Variants in SRGAP1 observed in about 807,000 individuals in gnomAD.
The protein encoded by SRGAP1 is SLIT-ROBO Rho GTPase-activating protein 1.
In SRGAP1, 43 loss-of-function variants were observed where a neutral mutation model predicts 121.9. The observed-to-expected ratio is 0.35, with a 90% CI of 0.28 to 0.46. The LOEUF is 0.46. Ranked by LOEUF, SRGAP1 falls within the 20% of genes least tolerant of loss-of-function variation. The pLI is 1.00. For missense variants in SRGAP1, 1,102 were observed against 1,350.9 expected (o/e 0.82, Z 2.89); for synonymous variants, 447 against 485.4 (o/e 0.92, Z 1.04).
At chr12:64,121,535 G>A (rs994498971) in intron 18 of SRGAP1, among the ~76,000 whole-genome samples, 16 of 152,140 alleles carry the variant, frequency 1.1e-4, no homozygotes, top group East Asian at 1.9e-4. Flanking sequence ...GATTGCAGGC[G>A]TGAGCCACCA....
rs2033405487 is a variant in SRGAP1 at position 63,986,100 on chromosome 12, C to CT, written c.263+1962dup. On this transcript the variant is annotated intron_variant, in intron 2 of 21. Transcript: ENST00000355086. Reference sequence around the variant, plus strand: ...CTCTTCTCTCCTCTCTGTCTCTTCTCTTTTCTCTCTTCTCTTTTTTCTTCC... The same window carrying CT: ...CTCTTCTCTCCTCTCTGTCTCTTCTCTTTTTCTCTCTTCTCTTTTTTCTTCC... 2.6e-5 allele frequency among the ~76,000 whole-genome samples: 4 copies of CT among 152,066 alleles called. No individual in the cohort carries two copies. The South Asian group carries it at 8.3e-4, about 32-fold the overall frequency.
At chr12:63,855,034 A>AC (rs1429684170) in intron 1 of SRGAP1, among the ~76,000 whole-genome samples, 1 of 151,036 alleles carries the variant, frequency 6.6e-6, no homozygotes, top group African/African-American at 2.4e-5. Flanking sequence ...AATAAAGAGA[A>AC]CCCCCCAAAC....
At chr12:63,867,519 CCAA>C (rs1454190717) in intron 1 of SRGAP1, among the ~76,000 whole-genome samples, 2 of 152,034 alleles carry the variant, frequency 1.3e-5, no homozygotes, top group Non-Finnish European at 2.9e-5. Context: ...TTGGATAAAG[CCAA>C]TTCAAATTAT....
At chr12:64,092,205 C>T (rs1393342694) in intron 12 of SRGAP1, among the ~76,000 whole-genome samples, 1 of 151,938 alleles carries the variant, frequency 6.6e-6, no homozygotes, top group Non-Finnish European at 1.5e-5. Context: ...TGTTAAATAC[C>T]AAATACACAT....
intron 4 of SRGAP1, chr12:64,038,861 A>G (rs186691952): frequency 6.6e-6 from 1 of 152,342 alleles, no homozygotes; most frequent in Admixed American, 6.5e-5. Flanking sequence ...GTACATTTAC[A>G]TGGCTATATG....
At chr12:63,987,592 G>A (rs2033451257) in intron 2 of SRGAP1, among the ~76,000 whole-genome samples, 1 of 151,964 alleles carries the variant, frequency 6.6e-6, no homozygotes, top group Non-Finnish European at 1.5e-5. Flanking sequence ...CATGGTGGCA[G>A]GCACCTGTAA....
intron 3 of SRGAP1, among the ~76,000 whole-genome samples, chr12:64,002,225 A>C (rs763786519): frequency 3.9e-5 from 6 of 152,202 alleles, no homozygotes; most frequent in Non-Finnish European, 7.3e-5. Context: ...CTACTTCCTC[A>C]TGCCCCAGTC....
At chr12:64,118,369 C>T (rs1050968882) in intron 18 of SRGAP1, among the ~76,000 whole-genome samples, 1 of 151,642 alleles carries the variant, frequency 6.6e-6, no homozygotes, top group African/African-American at 2.4e-5. Flanking sequence ...TCCCCGGCTC[C>T]AGTGATCCTC....
intron 1 of SRGAP1, among the ~76,000 whole-genome samples, chr12:63,866,567 C>G (rs545223190): frequency 1.3e-5 from 2 of 152,218 alleles, no homozygotes; most frequent in Admixed American, 6.5e-5. Context: ...CAATATCAGA[C>G]AGCAAATTTC....
intron 1 of SRGAP1, among the ~76,000 whole-genome samples, chr12:63,946,216 T>C (rs951268641): frequency 3.9e-5 from 6 of 152,146 alleles, no homozygotes; most frequent in African/African-American, 1.4e-4. Context: ...GTATTCTCCT[T>C]TATGTTACCA....
chr12:64,141,071 A>G (rs1229793817), intron 21 of SRGAP1, among the ~76,000 whole-genome samples: 5 of 138,424 alleles, frequency 3.6e-5, no homozygotes, highest in African/African-American at 5.7e-5. Context: ...GAATTGAACA[A>G]TGAGATCACA....
chr12:64,127,571 ATTCCTCTTACTGC>A lies in SRGAP1; in HGVS notation c.2406-15_2406-3del. 1 of 1,587,714 alleles carries A rather than the reference ATTCCTCTTACTGC, an allele frequency of 6.3e-7. No homozygotes were observed. Among genetic ancestry groups the A allele is most frequent in the East Asian group, 2.2e-5 (1 of 44,492 alleles). On this transcript the variant is annotated splice_region_variant and splice_polypyrimidine_tract_variant and intron_variant, in intron 19 of 21. Transcript: ENST00000355086. ...TGTAAATCTAGTAAATTTTGTCTCCATTCCTCTTACTGCTTCAGGGATGATACGTTTTCAGACA... is the reference window on the plus strand; with the variant it reads ...TGTAAATCTAGTAAATTTTGTCTCCATTCAGGGATGATACGTTTTCAGACA...
intron 21 of SRGAP1, among the ~76,000 whole-genome samples, chr12:64,129,098 TA>T (rs57166195): frequency 0.066 from 9,912 of 149,112 alleles, 1,075 homozygotes; most frequent in African/African-American, 0.23. Flanking sequence ...ATCCCGTGTC[TA>T]AAAAAAAAAA....
At chr12:64,034,914 C>G (rs2034864172) in intron 4 of SRGAP1, among the ~76,000 whole-genome samples, 1 of 152,074 alleles carries the variant, frequency 6.6e-6, no homozygotes, top group Admixed American at 6.6e-5. Context: ...TTTGCTTTCA[C>G]TGATTTATGA....
chr12:64,026,188 G>A (rs2034649495), intron 4 of SRGAP1, among the ~76,000 whole-genome samples: 1 of 152,080 alleles, frequency 6.6e-6, no homozygotes, highest in South Asian at 2.1e-4. Flanking sequence ...TCTAAAGAAT[G>A]TTTTATATCC....
chr12:64,121,987 T>G (rs1314542387), intron 18 of SRGAP1, among the ~76,000 whole-genome samples: 1 of 152,110 alleles, frequency 6.6e-6, no homozygotes, highest in East Asian at 1.9e-4. Context: ...CTAGAGAGAG[T>G]AGCTTTTGTT....
Position 64,153,804 on chromosome 12 carries a change from G to A in SRGAP1, c.*11132G>A, listed in dbSNP as rs1484035874. On this transcript the variant is annotated 3_prime_UTR_variant, in exon 22 of 22. Coordinates refer to ENST00000355086, the MANE Select transcript of SRGAP1 (RefSeq NM_020762.4). ...CATATGATCCACCAAGCCCACTTCT[G>A]GGTACATATCCAAAAGAATTGAAAA... The A allele has an allele frequency of 6.6e-6, 1 of 152,140 alleles. No homozygotes were observed. The highest frequency in any genetic ancestry group is 1.5e-5 in the Non-Finnish European group (1 of 68,034). The allele number at this position is 152,140 out of a possible 1,614,324, so 9.4% of individuals were successfully genotyped here. A position where few individuals can be genotyped will look rare whatever the true frequency, so the allele number is the denominator to read the frequency against.
intron 18 of SRGAP1, among the ~76,000 whole-genome samples, chr12:64,119,533 T>C (rs1592339343): frequency 6.6e-6 from 1 of 152,278 alleles, no homozygotes. Flanking sequence ...ATTTAATGTC[T>C]CCCAAATAAA....
intron 4 of SRGAP1, chr12:64,038,726 A>C (rs2034950109): frequency 6.6e-6 from 1 of 152,232 alleles, no homozygotes; most frequent in South Asian, 2.1e-4. Context: ...GTCGTTTTCT[A>C]CTTGACTATT....
Sources: gnomAD v4.1 joint callset for allele counts (sites outside exome capture counted in the v4.1 genomes callset) on GRCh38, gnomAD v4.1.1 for gene constraint, MANE v1.5 for transcripts, NCBI Gene and HGNC (gene_info 2026-07-23, HGNC 2026-07-21) for gene names.